Variants in NRXN3 observed in about 807,000 individuals in gnomAD.
NRXN3 encodes neurexin III.
Under a neutral mutation model 137.6 loss-of-function variants are expected in NRXN3, and 32 were observed. The ratio of observed to expected loss-of-function variants is 0.23; its 90% confidence interval spans 0.18 to 0.31. NRXN3 has a LOEUF of 0.31. NRXN3 is among the 10% of genes least tolerant of loss of function. The probability of loss-of-function intolerance (pLI) is 1.00; values close to 1 mark genes in which losing one functional copy is unlikely to be tolerated. For missense variants in NRXN3, 1,574 were observed against 2,062.5 expected (o/e 0.76, Z 4.59); for synonymous variants, 798 against 784.5 (o/e 1.02, Z -0.29).
At chr14:78,804,963 A>T (rs1359378328) in intron 9 of NRXN3, among the ~76,000 whole-genome samples, 3 of 152,192 alleles carry the variant, frequency 2.0e-5, no homozygotes, top group Non-Finnish European at 4.4e-5. Context: ...AGAGCCATGG[A>T]GAAAAAATGA....
At chr14:79,326,293 C>T (rs1194036106) in intron 15 of NRXN3, among the ~76,000 whole-genome samples, 1 of 152,278 alleles carries the variant, frequency 6.6e-6, no homozygotes, top group East Asian at 1.9e-4. Context: ...ATCATATTAA[C>T]AATACTGCTT....
At chr14:78,405,018 G>A (rs1434754936) in intron 4 of NRXN3, among the ~76,000 whole-genome samples, 1 of 152,076 alleles carries the variant, frequency 6.6e-6, no homozygotes, top group Non-Finnish European at 1.5e-5. Flanking sequence ...ACATCATTAG[G>A]GATAAAAATG....
intron 10 of NRXN3, among the ~76,000 whole-genome samples, chr14:78,875,694 G>T (rs2099112424): frequency 1.3e-5 from 2 of 152,044 alleles, no homozygotes; most frequent in African/African-American, 4.8e-5. Context: ...AATACACAGT[G>T]TTTTTTTCTG....
intron 1 of NRXN3, among the ~76,000 whole-genome samples, chr14:78,185,838 C>T (rs1166385731): frequency 1.3e-5 from 2 of 152,172 alleles, no homozygotes; most frequent in Non-Finnish European, 2.9e-5. Context: ...TGTCTTTGGA[C>T]CAATCACAAT....
intron 16 of NRXN3, among the ~76,000 whole-genome samples, chr14:79,626,736 T>A (rs1473522418): frequency 6.6e-6 from 1 of 152,182 alleles, no homozygotes; most frequent in African/African-American, 2.4e-5. Context: ...GCCTTGAGGG[T>A]TTACAAATTC....
chr14:78,338,592 C>T (rs1000516475), intron 4 of NRXN3, among the ~76,000 whole-genome samples: 1 of 152,182 alleles, frequency 6.6e-6, no homozygotes, highest in African/African-American at 2.4e-5. Flanking sequence ...AAATAAACTA[C>T]AGTGCAAGTG....
intron 15 of NRXN3, among the ~76,000 whole-genome samples, chr14:79,440,464 T>C (rs748940893): frequency 3.5e-4 from 53 of 152,334 alleles, no homozygotes; most frequent in Middle Eastern, 3.4e-3. Context: ...TTAATATCAC[T>C]GACACAAGTG....
intron 7 of NRXN3, among the ~76,000 whole-genome samples, chr14:78,710,128 T>A (rs538508944): frequency 3.3e-5 from 5 of 152,330 alleles, no homozygotes; most frequent in African/African-American, 1.2e-4. Context: ...GCAAGAGTCA[T>A]GTTGCATGGA....
At chr14:78,973,091 A>G (rs1332716133) in intron 14 of NRXN3, among the ~76,000 whole-genome samples, 1 of 152,170 alleles carries the variant, frequency 6.6e-6, no homozygotes, top group Admixed American at 6.5e-5. Flanking sequence ...AATGCATGAA[A>G]AATAGCTATC....
chr14:78,237,349 A>T (rs2066451244), intron 1 of NRXN3, among the ~76,000 whole-genome samples: 1 of 152,194 alleles, frequency 6.6e-6, no homozygotes, highest in African/African-American at 2.4e-5. Context: ...AAGTCACAGG[A>T]TTCATTGGGC....
chr14:79,140,365 C>T (rs916806113), intron 15 of NRXN3, among the ~76,000 whole-genome samples: 2 of 152,090 alleles, frequency 1.3e-5, no homozygotes, highest in Non-Finnish European at 2.9e-5. Flanking sequence ...ATTTTGAAAA[C>T]ATGGCCTTTT....
intron 15 of NRXN3, among the ~76,000 whole-genome samples, chr14:79,082,839 C>A (rs536422976): frequency 6.6e-6 from 1 of 152,274 alleles, no homozygotes; most frequent in Non-Finnish European, 1.5e-5. Flanking sequence ...GGAATTCAAA[C>A]TCAGATAATT....
intron 15 of NRXN3, among the ~76,000 whole-genome samples, chr14:79,398,667 G>A (rs1265414897): frequency 6.6e-6 from 1 of 152,050 alleles, no homozygotes; most frequent in East Asian, 1.9e-4. Context: ...CAAAGTAAAA[G>A]AGAAGCATCT....
chr14:79,457,080 C>G (rs1405397410), intron 15 of NRXN3, among the ~76,000 whole-genome samples: 1 of 151,554 alleles, frequency 6.6e-6, no homozygotes, highest in Admixed American at 6.6e-5. Flanking sequence ...TTGAAGTTCT[C>G]TAGCCTAGCT....
intron 15 of NRXN3, among the ~76,000 whole-genome samples, chr14:79,392,693 C>A (rs994119051): frequency 6.6e-6 from 1 of 151,952 alleles, no homozygotes; most frequent in African/African-American, 2.4e-5. Flanking sequence ...AGGAAATGGC[C>A]AGGTGTGGTG....
At chr14:78,382,519 A>G (rs2153632256) in intron 4 of NRXN3, among the ~76,000 whole-genome samples, 1 of 152,362 alleles carries the variant, frequency 6.6e-6, no homozygotes, top group African/African-American at 2.4e-5. Context: ...ACATAGATCT[A>G]GCATTGCAAG....
chr14:79,195,479 G>C (rs530980055), intron 15 of NRXN3, among the ~76,000 whole-genome samples: 8 of 152,220 alleles, frequency 5.3e-5, no homozygotes, highest in African/African-American at 1.7e-4. Context: ...ACTTTCTCCA[G>C]CTTAATGTTT....
intron 8 of NRXN3, among the ~76,000 whole-genome samples, chr14:78,776,549 C>T (rs2098745580): frequency 6.6e-6 from 1 of 152,152 alleles, no homozygotes; most frequent in Non-Finnish European, 1.5e-5. Flanking sequence ...ACATTTGGCT[C>T]AGAATATAAA....
chr14:78,455,840 T>C (rs766726727), intron 4 of NRXN3, among the ~76,000 whole-genome samples: 1 of 152,216 alleles, frequency 6.6e-6, no homozygotes, highest in Non-Finnish European at 1.5e-5. Flanking sequence ...CTGTAGCTCC[T>C]CAGGGCCCAA....
Sources: gnomAD v4.1 joint callset for allele counts (sites outside exome capture counted in the v4.1 genomes callset) on GRCh38, gnomAD v4.1.1 for gene constraint, MANE v1.5 for transcripts, NCBI Gene and HGNC (gene_info 2026-07-23, HGNC 2026-07-21) for gene names.